Variants in MROH2B observed in about 807,000 individuals in gnomAD.
The protein encoded by MROH2B is maestro heat-like repeat-containing protein family member 2B.
A neutral mutation model predicts 208.6 loss-of-function variants in MROH2B; 177 were observed. The ratio of observed to expected loss-of-function variants is 0.85; its 90% CI spans 0.75 to 0.96. The LOEUF is 0.96. Among genes scored for constraint, MROH2B ranks in the 40% least tolerant of loss-of-function variants. MROH2B has a pLI of 0.00. For missense variants in MROH2B, 2,002 were observed against 1,878.7 expected, an observed-to-expected ratio of 1.07 and a Z score of -1.21; for synonymous variants, 728 against 659.0, an observed-to-expected ratio of 1.10 and a Z score of -1.60.
chr5:41,024,955 A>G (rs2150161689), intron 24 of MROH2B, among the ~76,000 whole-genome samples: 1 of 152,356 alleles, frequency 6.6e-6, no homozygotes, highest in Admixed American at 6.5e-5. Context: ...TAACGAAATG[A>G]AGGCAGAAAT....
chr5:41,055,631 G>T, intron 10 of MROH2B, 111 bp downstream of exon 10: 1 of 690,092 alleles, frequency 1.4e-6, no homozygotes, highest in Non-Finnish European at 2.4e-6. Flanking sequence ...TCATTTGCAC[G>T]TGATGTTATA....
At chr5:41,061,447 T>G in intron 6 of MROH2B, 123 bp downstream of exon 6, 1 of 834,604 alleles carries the variant, frequency 1.2e-6, no homozygotes, top group Non-Finnish European at 1.7e-6. Flanking sequence ...AATTGATAAA[T>G]CTCATAAAAT....
Position 41,038,722 on chromosome 5 carries a change from G to T in MROH2B, c.2214+14C>A. 1.9e-6 allele frequency: 3 copies of T among 1,592,418 alleles called. No individual in the cohort carries two copies. The highest frequency in any genetic ancestry group is 2.6e-6 in the Non-Finnish European group (3 of 1,166,858). Reference sequence around the variant, plus strand: ...CCAGCCTAGAAATGGAGGCAGCCATGCAACGGGCATTACCTGAGAGCACTG... The same window carrying T: ...CCAGCCTAGAAATGGAGGCAGCCATTCAACGGGCATTACCTGAGAGCACTG... On this transcript the variant is annotated intron_variant, in intron 21 of 41. Coordinates refer to ENST00000399564, the MANE Select transcript of MROH2B (RefSeq NM_173489.5).
chr5:41,044,083 CAA>C lies in MROH2B; in HGVS notation c.1836+1661_1836+1662del, dbSNP rs57264129. ...TGAAACCCCGTCTCTACTAAAAATA[CAA>C]AAAAAAAAAAAAAAATTAGCCGGGT... On this transcript the variant is annotated intron_variant, in intron 18 of 41. Coordinates refer to ENST00000399564, the MANE Select transcript of MROH2B (RefSeq NM_173489.5). Among the ~76,000 whole-genome samples, 777 of 130,220 alleles carry C rather than the reference CAA, an allele frequency of 6.0e-3. 3 individuals carry two copies. Among genetic ancestry groups the C allele is most frequent in the Middle Eastern group, 7.7e-3 (2 of 260 alleles). The allele number at this position is 130,220 out of a possible 152,430, so 85.4% of individuals were successfully genotyped here.
rs576001340 is a variant in MROH2B at position 41,023,447 on chromosome 5, T to G, written c.2442-4429A>C. 2.0e-5 allele frequency among the ~76,000 whole-genome samples: 3 copies of G among 152,182 alleles called. No homozygotes were observed. In the East Asian group the frequency reaches 5.8e-4, roughly 29 times the overall value. The stretch of plus-strand genomic sequence containing the variant: ...AACTGGAAGAAAGGGTATCAGTGAT[T>G]GAAGATCAAATTAATGAAATGAAGT... On this transcript the variant is annotated intron_variant, in intron 24 of 41. Transcript: ENST00000399564.
intron 28 of MROH2B, among the ~76,000 whole-genome samples, chr5:41,016,496 ATGTT>A (rs1741953369): frequency 1.7e-5 from 1 of 59,648 alleles, no homozygotes; most frequent in South Asian, 6.4e-4. Flanking sequence ...TACTACTGTA[ATGTT>A]TTTTTTTTTT....
intron 19 of MROH2B, among the ~76,000 whole-genome samples, chr5:41,041,463 A>T (rs987887024): frequency 6.6e-6 from 1 of 152,138 alleles, no homozygotes; most frequent in African/African-American, 2.4e-5. Context: ...CCTATCTACT[A>T]AAAATATAAA....
chr5:41,026,591 C>T (rs974139064), intron 24 of MROH2B, among the ~76,000 whole-genome samples: 6 of 152,114 alleles, frequency 3.9e-5, no homozygotes, highest in African/African-American at 9.7e-5. Flanking sequence ...GAATCAATAT[C>T]GTGAAAATGG....
intron 40 of MROH2B, among the ~76,000 whole-genome samples, chr5:40,999,256 T>A (rs2111778490): frequency 6.6e-6 from 1 of 152,344 alleles, no homozygotes; most frequent in South Asian, 2.1e-4. Context: ...GGCCCCCACA[T>A]GAACATACTT....
At chr5:40,998,203 GC>G in intron 41 of MROH2B, 45 bp from the exon 42 acceptor site, 1 of 1,530,204 alleles carries the variant, frequency 6.5e-7, no homozygotes, top group Non-Finnish European at 9.0e-7. Context: ...GAGAGTCAGA[GC>G]CCAGCAAGAA....
chr5:41,027,408 C>T (rs567784749), intron 24 of MROH2B, among the ~76,000 whole-genome samples: 1 of 152,190 alleles, frequency 6.6e-6, no homozygotes, highest in East Asian at 1.9e-4. Flanking sequence ...CAAAAGAAGA[C>T]ATTTATGCAG....
chr5:41,052,458 T>A lies in MROH2B; in HGVS notation c.1230+7A>T. 1 of 1,611,354 alleles carries A rather than the reference T, an allele frequency of 6.2e-7. No homozygotes were observed. Among genetic ancestry groups the A allele is most frequent in the Non-Finnish European group, 8.5e-7 (1 of 1,178,418 alleles). On this transcript the variant is annotated splice_region_variant and intron_variant, in intron 12 of 41. Coordinates refer to ENST00000399564, the MANE Select transcript of MROH2B (RefSeq NM_173489.5). ...GTGCATCACTCAAAACTGTAGCCTC[T>A]GCATACCAGATTCCTGTTCAACGTT...
chr5:41,020,934 G>A (rs1742125410), intron 24 of MROH2B, among the ~76,000 whole-genome samples: 1 of 152,172 alleles, frequency 6.6e-6, no homozygotes, highest in Non-Finnish European at 1.5e-5. Context: ...AGTGCTGGAA[G>A]TTCTAGCCAG....
At chr5:41,025,499 CCTGAATAGACCAATAAGAGGCT>C in intron 24 of MROH2B, among the ~76,000 whole-genome samples, 1 of 151,972 alleles carries the variant, frequency 6.6e-6, no homozygotes, top group Non-Finnish European at 1.5e-5. Flanking sequence ...AAGTTGAATC[CCTGAATAGACCAATAAGAGGCT>C]CTGAAATTGA....
intron 24 of MROH2B, among the ~76,000 whole-genome samples, chr5:41,030,261 A>T (rs1742519154): frequency 1.3e-5 from 2 of 151,968 alleles, no homozygotes; most frequent in African/African-American, 4.8e-5. Context: ...ACCACAAGAA[A>T]ATACCACCTC....
intron 38 of MROH2B, 33 bp from the exon 39 acceptor site, chr5:41,000,384 G>T (rs1741352438): frequency 6.2e-7 from 1 of 1,607,326 alleles, no homozygotes; most frequent in African/African-American, 1.3e-5. Context: ...TCACAGTCCA[G>T]AACGTTAGGA....
At chr5:41,057,501 G>T in intron 7 of MROH2B, 141 bp from the exon 8 acceptor site, 1 of 624,172 alleles carries the variant, frequency 1.6e-6, no homozygotes, top group Non-Finnish European at 2.8e-6. Flanking sequence ...AATGATTCTG[G>T]CCCCTTCCAC....
rs2150161741 is a variant in MROH2B, at chr5:41,025,046, G to C, written c.2442-6028C>G. 2.0e-5 allele frequency among the ~76,000 whole-genome samples: 3 copies of C among 152,214 alleles called. No individual in the cohort carries two copies. In the South Asian group the frequency reaches 6.2e-4, roughly 32 times the overall value. On this transcript the variant is annotated intron_variant, in intron 24 of 41. Coordinates refer to ENST00000399564, the MANE Select transcript of MROH2B (RefSeq NM_173489.5). ...GACACATTTAAAGCAATGTGTAGAG[G>C]GAAATTTATAGCACTAAATGCCCAC...
intron 24 of MROH2B, among the ~76,000 whole-genome samples, chr5:41,026,839 G>A (rs1463087313): frequency 1.3e-5 from 2 of 152,160 alleles, no homozygotes; most frequent in Admixed American, 6.5e-5. Context: ...CCAAAACAGA[G>A]ATATAGACCA....
Sources: gnomAD v4.1 joint callset for allele counts (sites outside exome capture counted in the v4.1 genomes callset) on GRCh38, gnomAD v4.1.1 for gene constraint, MANE v1.5 for transcripts, NCBI Gene and HGNC (gene_info 2026-07-23, HGNC 2026-07-21) for gene names.